The following BBS9 variants were observed in gnomAD, a reference collection of about 807,000 sequenced individuals.
BBS9 encodes Bardet-Biedl syndrome 9.
BBS9 carries 89 observed loss-of-function variants against 117.7 expected under a neutral mutation model. That is an observed-to-expected ratio of 0.76 (90% CI 0.64 to 0.90). The LOEUF (loss-of-function observed/expected upper bound fraction) is 0.90. BBS9 is among the 40% of genes least tolerant of loss of function. The pLI, the probability that BBS9 is intolerant of heterozygous loss-of-function variation, is 0.00. For synonymous variants in BBS9, 379 were observed against 370.9 expected (o/e 1.02, Z -0.25); for missense variants, 982 against 1,042.2 (o/e 0.94, Z 0.80).
chr7:33,286,071 G>A (rs1802828081), intron 9 of BBS9, among the ~76,000 whole-genome samples: 1 of 152,010 alleles, frequency 6.6e-6, no homozygotes, highest in Non-Finnish European at 1.5e-5. Context: ...AGGATAAGTA[G>A]TTGCAGTTAG....
intron 19 of BBS9, among the ~76,000 whole-genome samples, chr7:33,451,462 C>T (rs1837859852): frequency 6.6e-6 from 1 of 152,016 alleles, no homozygotes; most frequent in Admixed American, 6.6e-5. Flanking sequence ...ATATTTTCAC[C>T]CACTATGTAG....
At chr7:33,633,569 C>T in intron 21 of BBS9, among the ~76,000 whole-genome samples, 1 of 144,786 alleles carries the variant, frequency 6.9e-6, no homozygotes, top group East Asian at 2.0e-4. Context: ...AGGAGAGGAG[C>T]TCTTTACCAG....
At chr7:33,208,621 G>A (rs1239371207) in intron 5 of BBS9, among the ~76,000 whole-genome samples, 1 of 152,134 alleles carries the variant, frequency 6.6e-6, no homozygotes, top group Non-Finnish European at 1.5e-5. Flanking sequence ...GTAGCAGTGG[G>A]CTGATGGTAG....
At chr7:33,499,066 T>A (rs1305734463) in intron 19 of BBS9, among the ~76,000 whole-genome samples, 1 of 152,176 alleles carries the variant, frequency 6.6e-6, no homozygotes, top group Non-Finnish European at 1.5e-5. Flanking sequence ...ATTTTCATAA[T>A]CCTATGAATT....
intron 5 of BBS9, among the ~76,000 whole-genome samples, chr7:33,235,783 G>A (rs1793360671): frequency 6.6e-6 from 1 of 152,146 alleles, no homozygotes; most frequent in Non-Finnish European, 1.5e-5. Context: ...AAGGGGAAAA[G>A]TAGAGTTGAT....
intron 21 of BBS9, among the ~76,000 whole-genome samples, chr7:33,588,909 T>G (rs1861408565): frequency 6.6e-6 from 1 of 152,136 alleles, no homozygotes; most frequent in Non-Finnish European, 1.5e-5. Context: ...GAGAGGAGGC[T>G]GGAGGGACCA....
chr7:33,235,165 G>A (rs1197467227), intron 5 of BBS9, among the ~76,000 whole-genome samples: 1 of 152,088 alleles, frequency 6.6e-6, no homozygotes, highest in Non-Finnish European at 1.5e-5. Context: ...GCATTTGGTA[G>A]CATTGAATAG....
At chr7:33,232,912 A>T (rs1013662747) in intron 5 of BBS9, among the ~76,000 whole-genome samples, 1 of 152,166 alleles carries the variant, frequency 6.6e-6, no homozygotes, top group African/African-American at 2.4e-5. Flanking sequence ...AATTTAAGGA[A>T]AGTCGTAACT....
chr7:33,548,799 A>G (rs1454994738), intron 21 of BBS9, among the ~76,000 whole-genome samples: 3 of 150,834 alleles, frequency 2.0e-5, no homozygotes, highest in Non-Finnish European at 4.4e-5. Context: ...ATGGAAGAAC[A>G]TTCCATGCTC....
chr7:33,618,630 G>A (rs1369540841), intron 21 of BBS9, among the ~76,000 whole-genome samples: 2 of 152,118 alleles, frequency 1.3e-5, no homozygotes, highest in Non-Finnish European at 2.9e-5. Context: ...TGAGGTTGGA[G>A]GATCACTTAA....
At chr7:33,443,330 T>C (rs567887023) in intron 19 of BBS9, among the ~76,000 whole-genome samples, 1 of 152,290 alleles carries the variant, frequency 6.6e-6, no homozygotes, top group Non-Finnish European at 1.5e-5. Flanking sequence ...AAAAGTTAAT[T>C]CCTTCATATT....
chr7:33,377,287 A>T (rs10281314), intron 17 of BBS9, among the ~76,000 whole-genome samples: 19 of 151,972 alleles, frequency 1.3e-4, no homozygotes, highest in African/African-American at 3.9e-4. Flanking sequence ...TTCCAGCACC[A>T]TTTGCGTGTT....
chr7:33,475,296 ATAGT>A (rs1248227659), intron 19 of BBS9, among the ~76,000 whole-genome samples: 3 of 152,236 alleles, frequency 2.0e-5, no homozygotes, highest in Non-Finnish European at 2.9e-5. Flanking sequence ...CCCATGGGCC[ATAGT>A]TTGCTAACCC....
At chr7:33,596,100 G>A (rs1430569396) in intron 21 of BBS9, among the ~76,000 whole-genome samples, 1 of 151,810 alleles carries the variant, frequency 6.6e-6, no homozygotes, top group African/African-American at 2.4e-5. Context: ...ATGGCAGGTT[G>A]ATAGGTGCAG....
intron 16 of BBS9, among the ~76,000 whole-genome samples, chr7:33,361,949 G>GT: frequency 6.6e-6 from 1 of 152,150 alleles, no homozygotes; most frequent in East Asian, 1.9e-4. Context: ...ATTTTGAAAA[G>GT]TTTGATTTCT....
chr7:33,275,066 A>T (rs1800512414), intron 9 of BBS9, among the ~76,000 whole-genome samples: 1 of 149,622 alleles, frequency 6.7e-6, no homozygotes, highest in Non-Finnish European at 1.5e-5. Flanking sequence ...ATCAGGATGG[A>T]GTTGTTTTCT....
At chr7:33,154,551 C>T (rs1793825231) in intron 3 of BBS9, among the ~76,000 whole-genome samples, 2 of 152,112 alleles carry the variant, frequency 1.3e-5, no homozygotes, top group Non-Finnish European at 2.9e-5. Flanking sequence ...CTGCAACCTC[C>T]GCCTCCCAGA....
chr7:33,234,134 C>A (rs1583785755), intron 5 of BBS9, among the ~76,000 whole-genome samples: 1 of 151,944 alleles, frequency 6.6e-6, no homozygotes, highest in South Asian at 2.1e-4. Flanking sequence ...GTTCAATTAA[C>A]CCTAATTTTA....
intron 19 of BBS9, among the ~76,000 whole-genome samples, chr7:33,401,122 T>C (rs914628966): frequency 1.3e-4 from 20 of 152,312 alleles, no homozygotes; most frequent in Admixed American, 1.2e-3. Flanking sequence ...AATATTGATT[T>C]CCCCACTTTA....
Sources: gnomAD v4.1 joint callset for allele counts (sites outside exome capture counted in the v4.1 genomes callset) on GRCh38, gnomAD v4.1.1 for gene constraint, MANE v1.5 for transcripts, NCBI Gene and HGNC (gene_info 2026-07-23, HGNC 2026-07-21) for gene names.